PLA2G4A: variants seen among roughly 807,000 people sequenced by gnomAD.
PLA2G4A encodes the protein cytosolic phospholipase A2.
In PLA2G4A, 40 loss-of-function variants were observed where a neutral mutation model predicts 81.9. The ratio of observed to expected loss-of-function variants is 0.49; its 90% CI spans 0.38 to 0.64. The LOEUF (loss-of-function observed/expected upper bound fraction) is 0.64. PLA2G4A is among the 30% of genes least tolerant of loss of function. PLA2G4A has a pLI of 0.00. For synonymous variants in PLA2G4A, 302 were observed against 296.9 expected, an observed-to-expected ratio of 1.02 and a Z score of -0.18; for missense variants, 715 against 905.1, an observed-to-expected ratio of 0.79 and a Z score of 2.69.
At position 186,934,463 on chromosome 1, in the gene PLA2G4A, T is replaced by TATATATAC. The variant is rs368585350; in HGVS notation, c.695+1565_695+1566insTATATACA. On this transcript the variant is annotated intron_variant, in intron 8 of 17. Transcript: ENST00000367466. ...GTGCACATATATATATATATATATATACATACACAGAGAGAGTAATTAAAA... is the reference window on the plus strand; with the variant it reads ...GTGCACATATATATATATATATATATATATATACACATACACAGAGAGAGTAATTAAAA... Among the ~76,000 whole-genome samples the TATATATAC allele has an allele frequency of 9.1e-5, 13 of 143,514 alleles. No individual in the cohort carries two copies. In the East Asian group the frequency reaches 2.4e-3, roughly 27 times the overall value. The allele number at this position is 143,514 out of a possible 152,430, so 94.2% of individuals were successfully genotyped here.
chr1:186,840,536 G>A (rs1173025134), intron 1 of PLA2G4A, among the ~76,000 whole-genome samples: 8 of 152,106 alleles, frequency 5.3e-5, no homozygotes, highest in Non-Finnish European at 4.4e-5. Context: ...ACCCTTCTGT[G>A]CTTCCGCAAT....
At chr1:186,879,232 G>A (rs997224976) in intron 3 of PLA2G4A, among the ~76,000 whole-genome samples, 29 of 151,808 alleles carry the variant, frequency 1.9e-4, no homozygotes, top group Non-Finnish European at 3.8e-4. Flanking sequence ...TTTAGTTGAT[G>A]TATAAGAATA....
intron 3 of PLA2G4A, among the ~76,000 whole-genome samples, chr1:186,878,744 G>A (rs1653618116): frequency 6.6e-6 from 1 of 151,774 alleles, no homozygotes; most frequent in South Asian, 2.1e-4. Flanking sequence ...GTTTGTGTAT[G>A]TGTGTATTCA....
chr1:186,837,581 C>T (rs1039794622), intron 1 of PLA2G4A, among the ~76,000 whole-genome samples: 19 of 146,616 alleles, frequency 1.3e-4, no homozygotes, highest in Non-Finnish European at 2.4e-4. Context: ...AAAAAAAATA[C>T]AAAAAATTAG....
chr1:186,984,134 T>C (rs1657816710), intron 17 of PLA2G4A, among the ~76,000 whole-genome samples: 1 of 152,132 alleles, frequency 6.6e-6, no homozygotes, highest in Admixed American at 6.5e-5. Context: ...ACAATTTTCA[T>C]GATGGGTGTT....
At chr1:186,957,641 G>A (rs1311794762) in intron 14 of PLA2G4A, among the ~76,000 whole-genome samples, 3 of 152,132 alleles carry the variant, frequency 2.0e-5, no homozygotes, top group Admixed American at 1.3e-4. Context: ...CTAGGCTATT[G>A]GAACTATCTC....
intron 3 of PLA2G4A, among the ~76,000 whole-genome samples, chr1:186,874,414 T>A (rs1019075097): frequency 2.6e-5 from 4 of 152,052 alleles, no homozygotes; most frequent in African/African-American, 9.7e-5. Flanking sequence ...TGAATGATAA[T>A]GGAGGCTAGC....
At chr1:186,907,335 C>T (rs1654773916) in intron 6 of PLA2G4A, among the ~76,000 whole-genome samples, 1 of 152,130 alleles carries the variant, frequency 6.6e-6, no homozygotes, top group Non-Finnish European at 1.5e-5. Context: ...ATTTAAGCGC[C>T]TCTTCTATTG....
chr1:186,880,388 T>A (rs1653684451), intron 3 of PLA2G4A, among the ~76,000 whole-genome samples: 1 of 152,056 alleles, frequency 6.6e-6, no homozygotes, highest in African/African-American at 2.4e-5. Flanking sequence ...GCTATTTTTT[T>A]ATGATTTATG....
chr1:186,942,021 A>G (rs1244376404), intron 10 of PLA2G4A, among the ~76,000 whole-genome samples: 1 of 152,200 alleles, frequency 6.6e-6, no homozygotes, highest in East Asian at 1.9e-4. Flanking sequence ...TGAAAGCTGT[A>G]TAAGAAAAGT....
At chr1:186,912,881 A>G (rs1008055586) in intron 7 of PLA2G4A, among the ~76,000 whole-genome samples, 1 of 148,262 alleles carries the variant, frequency 6.7e-6, no homozygotes, top group African/African-American at 2.5e-5. Flanking sequence ...ATACTTACGC[A>G]TAAAGGAGTG....
chr1:186,953,452 T>C (rs1025071093), intron 13 of PLA2G4A, among the ~76,000 whole-genome samples: 6 of 150,294 alleles, frequency 4.0e-5, no homozygotes, highest in Admixed American at 1.3e-4. Flanking sequence ...TCTTTGTATG[T>C]TTTATATTAC....
intron 7 of PLA2G4A, among the ~76,000 whole-genome samples, chr1:186,928,278 G>A (rs1055810230): frequency 5.9e-5 from 9 of 152,248 alleles, no homozygotes; most frequent in African/African-American, 2.2e-4. Flanking sequence ...GTCAGGGAGA[G>A]GCAAGCAAAT....
chr1:186,921,355 T>A (rs534307181), intron 7 of PLA2G4A, among the ~76,000 whole-genome samples: 9 of 152,330 alleles, frequency 5.9e-5, no homozygotes, highest in African/African-American at 2.2e-4. Context: ...ATTATGAGTC[T>A]GTATAATAGT....
intron 7 of PLA2G4A, among the ~76,000 whole-genome samples, chr1:186,913,511 G>T (rs2102160858): frequency 6.6e-6 from 1 of 152,128 alleles, no homozygotes; most frequent in African/African-American, 2.4e-5. Context: ...TTGCCACAAT[G>T]ATGCTCATCA....
chr1:186,966,791 G>A (rs556209326), intron 15 of PLA2G4A, among the ~76,000 whole-genome samples: 8 of 152,194 alleles, frequency 5.3e-5, no homozygotes, highest in South Asian at 2.1e-4. Context: ...CAGTCAATTC[G>A]TCTAATACAG....
chr1:186,869,794 A>G (rs1159150513), intron 2 of PLA2G4A, among the ~76,000 whole-genome samples: 1 of 152,210 alleles, frequency 6.6e-6, no homozygotes, highest in African/African-American at 2.4e-5. Context: ...ATTCTGCTTT[A>G]GTGAGTAGAA....
chr1:186,928,236 C>G (rs535226774), intron 7 of PLA2G4A, among the ~76,000 whole-genome samples: 1 of 152,072 alleles, frequency 6.6e-6, no homozygotes, highest in Non-Finnish European at 1.5e-5. Context: ...AGCTCTTGAC[C>G]GCTGAGAAAT....
chr1:186,908,574 C>T lies in PLA2G4A; in HGVS notation c.416+1572C>T, dbSNP rs145839265. 6.1e-4 allele frequency among the ~76,000 whole-genome samples: 92 copies of T among 152,042 alleles called. 1 individual carries two copies. The highest frequency in any genetic ancestry group is 2.0e-3 in the African/African-American group (84 of 41,526). ...ATATACAATAGGAAATTTTCATACA[C>T]GTATACCACATGTTAATAATGGTGC... On this transcript the variant is annotated intron_variant, in intron 6 of 17. Coordinates refer to ENST00000367466, the MANE Select transcript of PLA2G4A (RefSeq NM_024420.3).
Sources: gnomAD v4.1 joint callset for allele counts (sites outside exome capture counted in the v4.1 genomes callset) on GRCh38, gnomAD v4.1.1 for gene constraint, MANE v1.5 for transcripts, NCBI Gene and HGNC (gene_info 2026-07-23, HGNC 2026-07-21) for gene names.